TACR1: variants seen among roughly 807,000 people sequenced by gnomAD.
TACR1 encodes the protein tachykinin receptor 1.
A neutral mutation model predicts 35.8 loss-of-function variants in TACR1; 25 were observed. That is an observed-to-expected ratio of 0.70 (90% confidence interval 0.51 to 0.98). TACR1 has a LOEUF of 0.98. TACR1 is among the 50% of genes least tolerant of loss of function. The probability of loss-of-function intolerance (pLI) is 0.00; values close to 1 mark genes in which losing one functional copy is unlikely to be tolerated. For synonymous variants in TACR1, 195 were observed against 206.7 expected, an observed-to-expected ratio of 0.94 and a Z score of 0.48; for missense variants, 478 against 522.9, an observed-to-expected ratio of 0.91 and a Z score of 0.84.
chr2:75,123,963 A>C (rs149424642), intron 1 of TACR1, among the ~76,000 whole-genome samples: 1 of 152,324 alleles, frequency 6.6e-6, no homozygotes, highest in East Asian at 1.9e-4. Context: ...CTGCAAACCC[A>C]AGGAAAATAC....
At chr2:75,135,828 T>C (rs1674276196) in intron 1 of TACR1, among the ~76,000 whole-genome samples, 1 of 152,132 alleles carries the variant, frequency 6.6e-6, no homozygotes, top group Admixed American at 6.5e-5. Context: ...AATGAATTGC[T>C]TCCTTGCAGG....
At chr2:75,174,024 A>C (rs115936415) in intron 1 of TACR1, among the ~76,000 whole-genome samples, 1,916 of 151,774 alleles carry the variant, frequency 0.013, 14 homozygotes, top group Non-Finnish European at 0.019. Context: ...TCTTTGCTTC[A>C]CTCCTCACAC....
chr2:75,051,574 C>G (rs1672472257), intron 3 of TACR1, 127 bp from the exon 4 acceptor site: 2 of 1,490,404 alleles, frequency 1.3e-6, no homozygotes, highest in South Asian at 2.7e-5. Flanking sequence ...AAAGACGCCC[C>G]TTCAAGGAGG....
chr2:75,187,528 A>G (rs985313947), intron 1 of TACR1: 7 of 152,172 alleles, frequency 4.6e-5, no homozygotes, highest in African/African-American at 1.2e-4. Flanking sequence ...ATTCTCTACA[A>G]TCTTTCCTGT....
intron 1 of TACR1, among the ~76,000 whole-genome samples, chr2:75,143,582 C>T (rs969640943): frequency 1.3e-5 from 2 of 152,194 alleles, no homozygotes; most frequent in African/African-American, 4.8e-5. Flanking sequence ...GAGGTGCTGT[C>T]ACTAAGCTGC....
intron 1 of TACR1, among the ~76,000 whole-genome samples, chr2:75,134,920 C>G (rs914861197): frequency 2.0e-5 from 3 of 152,226 alleles, no homozygotes; most frequent in Non-Finnish European, 4.4e-5. Context: ...CAAGGTCTCA[C>G]AGGCCTCTGC....
intron 2 of TACR1, among the ~76,000 whole-genome samples, chr2:75,067,995 T>A (rs988228435): frequency 1.3e-5 from 2 of 152,206 alleles, no homozygotes; most frequent in Non-Finnish European, 2.9e-5. Flanking sequence ...GGTAAGAGGC[T>A]GCACTTTCAT....
intron 1 of TACR1, among the ~76,000 whole-genome samples, chr2:75,152,090 A>G (rs977875091): frequency 1.3e-5 from 2 of 152,212 alleles, no homozygotes; most frequent in Non-Finnish European, 2.9e-5. Flanking sequence ...TTACAGGATC[A>G]TAGGTGGAAG....
intron 2 of TACR1, among the ~76,000 whole-genome samples, chr2:75,085,936 T>C (rs1312262294): frequency 6.6e-6 from 1 of 152,252 alleles, no homozygotes; most frequent in East Asian, 1.9e-4. Context: ...AGCTATTGTA[T>C]GTGACACCGT....
rs1238029696 is a variant in TACR1, at chr2:75,048,506, C to G, written c.*926G>C. On this transcript the variant is annotated 3_prime_UTR_variant, in exon 5 of 5. Transcript: ENST00000305249. ...TAGTTACAGATGGCCTTAGCAGTTG[C>G]TACATCTCCAGGAACTGGGTATTAG... The G allele has an allele frequency of 1.3e-5, 2 of 152,208 alleles. No homozygotes were observed. The highest frequency in any genetic ancestry group is 2.9e-5 in the Non-Finnish European group (2 of 68,028). The allele number at this position is 152,208 out of a possible 1,614,324, so 9.4% of individuals were successfully genotyped here.
intron 1 of TACR1, among the ~76,000 whole-genome samples, chr2:75,123,502 T>G (rs1290937610): frequency 6.6e-6 from 1 of 152,192 alleles, no homozygotes; most frequent in Non-Finnish European, 1.5e-5. Flanking sequence ...TATTTTATCC[T>G]TATTGCAAAA....
intron 1 of TACR1, 129 bp downstream of exon 1, chr2:75,198,417 G>T: frequency 9.5e-7 from 1 of 1,056,334 alleles, no homozygotes; most frequent in Non-Finnish European, 1.4e-6. Flanking sequence ...TGACTCAGTT[G>T]ATCAGTAAAA....
chr2:75,053,565 C>G (rs202180228), intron 3 of TACR1, 40 bp downstream of exon 3: 2 of 1,474,398 alleles, frequency 1.4e-6, no homozygotes, highest in Non-Finnish European at 1.8e-6. Flanking sequence ...AGCCTGTTGT[C>G]TGTGCCAGGG....
intron 2 of TACR1, among the ~76,000 whole-genome samples, chr2:75,104,477 C>A (rs1673601749): frequency 6.6e-6 from 1 of 151,940 alleles, no homozygotes; most frequent in African/African-American, 2.4e-5. Context: ...ATGGATAAAT[C>A]ATCTAGACAG....
chr2:75,067,753 G>A (rs1026310795), intron 2 of TACR1, among the ~76,000 whole-genome samples: 3 of 152,146 alleles, frequency 2.0e-5, no homozygotes, highest in Non-Finnish European at 4.4e-5. Flanking sequence ...GAGGCCCTAA[G>A]GTCCAAATGT....
At chr2:75,186,989 A>G (rs1170593997) in intron 1 of TACR1, 3 of 152,284 alleles carry the variant, frequency 2.0e-5, no homozygotes, top group Non-Finnish European at 4.4e-5. Context: ...ATGTGGGTCC[A>G]GACAGACCCT....
intron 1 of TACR1, among the ~76,000 whole-genome samples, chr2:75,150,984 A>G (rs1263017959): frequency 6.6e-6 from 1 of 152,224 alleles, no homozygotes; most frequent in Non-Finnish European, 1.5e-5. Flanking sequence ...CCCCTGCCCT[A>G]GAGATTTGTG....
At chr2:75,119,750 T>A (rs962199983) in intron 2 of TACR1, among the ~76,000 whole-genome samples, 1 of 152,210 alleles carries the variant, frequency 6.6e-6, no homozygotes, top group Admixed American at 6.5e-5. Context: ...GTGTTTCACC[T>A]GCACATATTC....
chr2:75,143,762 G>A (rs1181783704), intron 1 of TACR1, among the ~76,000 whole-genome samples: 1 of 152,202 alleles, frequency 6.6e-6, no homozygotes, highest in African/African-American at 2.4e-5. Context: ...TTGGACCCAA[G>A]GAGACTGGCT....
Sources: gnomAD v4.1 joint callset for allele counts (sites outside exome capture counted in the v4.1 genomes callset) on GRCh38, gnomAD v4.1.1 for gene constraint, MANE v1.5 for transcripts, NCBI Gene and HGNC (gene_info 2026-07-23, HGNC 2026-07-21) for gene names.